DLGAP1: variants seen among roughly 807,000 people sequenced by gnomAD.
DLGAP1 encodes DLG associated protein 1.
A neutral mutation model predicts 90.8 loss-of-function variants in DLGAP1; 11 were observed. The observed-to-expected ratio is 0.12, with a 90% CI of 0.08 to 0.20. DLGAP1 has a LOEUF of 0.20. DLGAP1 is among the 10% of genes least tolerant of loss of function. DLGAP1 has a pLI of 1.00. For synonymous variants in DLGAP1, 558 were observed against 540.7 expected (o/e 1.03, Z -0.44); for missense variants, 1,050 against 1,333.8 (o/e 0.79, Z 3.31).
chr18:3,992,841 C>A (rs895158934), intron 3 of DLGAP1, among the ~76,000 whole-genome samples: 4 of 152,028 alleles, frequency 2.6e-5, no homozygotes, highest in Non-Finnish European at 4.4e-5. Flanking sequence ...ATAGGGGGTC[C>A]CTGGAAGACC....
intron 2 of DLGAP1, among the ~76,000 whole-genome samples, chr18:4,129,787 A>G (rs1361391060): frequency 9.9e-5 from 15 of 152,170 alleles, no homozygotes; most frequent in Admixed American, 9.8e-4. Context: ...TCCTTAGGCA[A>G]AGAATCTCTT....
rs369615868 is a variant in DLGAP1 at position 3,534,521 on chromosome 18, C to G, written c.2152G>C (p.Glu718Gln). 2 of 1,614,026 alleles carry G rather than the reference C, an allele frequency of 1.2e-6. No homozygotes were observed. The highest frequency in any genetic ancestry group is 8.5e-7 in the Non-Finnish European group (1 of 1,180,028). Residue 718 changes from glutamate (E) to glutamine (Q), a missense_variant, in exon 10 of 13, where the codon GAG (glutamate) becomes CAG (glutamine). Around this residue, in one of 2 missense-constraint regions of DLGAP1, gnomAD observed 565 missense variants for 879.7 expected, o/e 0.64. Transcript: ENST00000315677. Reference protein sequence around the residue: ...DNLENSLESIEDNSCPGPMAR... With the variant: ...DNLENSLESIQDNSCPGPMAR... Reference sequence around the variant, plus strand: ...ATGGGGCCAGGACACGAATTGTCCTCTATAGATTCCAGAGAATTTTCCAGA... The same window carrying G: ...ATGGGGCCAGGACACGAATTGTCCTGTATAGATTCCAGAGAATTTTCCAGA...
chr18:4,382,871 C>T (rs765834586), intron 1 of DLGAP1, among the ~76,000 whole-genome samples: 2 of 152,080 alleles, frequency 1.3e-5, no homozygotes, highest in African/African-American at 2.4e-5. Context: ...AAATCAAACA[C>T]GAATTTGACC....
intron 3 of DLGAP1, chr18:3,892,114 A>AACACACACACACACACACAC (rs3985698): frequency 1.5e-5 from 2 of 132,296 alleles, no homozygotes; most frequent in African/African-American, 5.4e-5. Context: ...TCACCTCTAA[A>AACACACACACACACACACAC]ACACACACAC....
rs1047737802 is a variant in DLGAP1, at chr18:4,378,567, A to T, written c.-267+76439T>A. On this transcript the variant is annotated intron_variant, in intron 1 of 12. Coordinates refer to ENST00000315677, the MANE Select transcript of DLGAP1 (RefSeq NM_004746.4). This position sits in a 1 kb window ranked among gnomAD's most constrained non-coding sequence, Gnocchi z 4.5. ...TACAAACTGAATTATTAAAACCAAA[A>T]TCAACAAATAAAATCAAGCTCTTAG... is the stretch of plus-strand genomic sequence containing the variant. 5.3e-5 allele frequency among the ~76,000 whole-genome samples: 8 copies of T among 152,122 alleles called. No homozygotes were observed. The highest frequency in any genetic ancestry group is 1.7e-4 in the African/African-American group (7 of 41,428).
chr18:4,357,008 T>A (rs1247871381), intron 1 of DLGAP1, among the ~76,000 whole-genome samples: 1 of 152,090 alleles, frequency 6.6e-6, no homozygotes, highest in East Asian at 1.9e-4. Flanking sequence ...AGATGAATTC[T>A]TATCTTTCCA....
intron 1 of DLGAP1, among the ~76,000 whole-genome samples, chr18:4,435,011 G>C (rs950930954): frequency 2.0e-5 from 3 of 152,158 alleles, no homozygotes; most frequent in African/African-American, 7.2e-5. Flanking sequence ...CTACAAACTT[G>C]AAACTTCATC....
At chr18:3,609,247 ATGT>A (rs1445572934) in intron 7 of DLGAP1, among the ~76,000 whole-genome samples, 1 of 152,098 alleles carries the variant, frequency 6.6e-6, no homozygotes, top group Non-Finnish European at 1.5e-5. Flanking sequence ...TGGTCTCACT[ATGT>A]TGCCCAGGCT....
intron 2 of DLGAP1, among the ~76,000 whole-genome samples, chr18:4,104,442 C>T (rs1240436681): frequency 1.3e-5 from 2 of 152,128 alleles, no homozygotes; most frequent in Non-Finnish European, 2.9e-5. Context: ...CCTTTTCTCA[C>T]TGCTAACATC....
chr18:4,151,984 A>T (rs1184332940), intron 1 of DLGAP1, among the ~76,000 whole-genome samples: 1 of 152,190 alleles, frequency 6.6e-6, no homozygotes, highest in Non-Finnish European at 1.5e-5. Flanking sequence ...AATAATAATA[A>T]TATTAAAAAA....
chr18:4,335,700 A>G (rs536791518), intron 1 of DLGAP1, among the ~76,000 whole-genome samples: 62 of 152,372 alleles, frequency 4.1e-4, no homozygotes, highest in African/African-American at 1.4e-3. Context: ...AATGTAAAAA[A>G]AGAAAAATAA....
chr18:4,040,092 T>C (rs1437196846), intron 2 of DLGAP1, among the ~76,000 whole-genome samples: 1 of 152,218 alleles, frequency 6.6e-6, no homozygotes, highest in African/African-American at 2.4e-5. Context: ...TAGAATAATA[T>C]GCCTTGCAGA....
At chr18:4,045,432 C>CAA (rs763466156) in intron 2 of DLGAP1, among the ~76,000 whole-genome samples, 1,557 of 29,204 alleles carry the variant, frequency 0.053, 268 homozygotes, top group African/African-American at 0.059. Context: ...CCCATCTCTA[C>CAA]AAAAAAAAAA....
rs560545360 is a variant in DLGAP1, at chr18:3,659,378, G to A, written c.1591+69757C>T. The stretch of plus-strand genomic sequence containing the variant: ...CATTGCCTGGAATTCAGGGTAAGCC[G>A]TAACACATACATTTATACACACACA... On this transcript the variant is annotated intron_variant, in intron 7 of 12. Coordinates refer to ENST00000315677, the MANE Select transcript of DLGAP1 (RefSeq NM_004746.4). Among the ~76,000 whole-genome samples the A allele has an allele frequency of 4.5e-4, 60 of 133,562 alleles. No individual in the cohort carries two copies. The South Asian group carries it at 0.014, about 31-fold the overall frequency. The allele number at this position is 133,562 out of a possible 152,430, so 87.6% of individuals were successfully genotyped here. A position where few individuals can be genotyped will look rare whatever the true frequency, so the allele number is the denominator to read the frequency against.
At chr18:3,645,293 T>C (rs1014188503) in intron 7 of DLGAP1, among the ~76,000 whole-genome samples, 38 of 152,226 alleles carry the variant, frequency 2.5e-4, no homozygotes, top group African/African-American at 8.9e-4. Context: ...GGGTTTCACA[T>C]GTGGTCCAGG....
chr18:3,910,791 C>T (rs1268780196), intron 3 of DLGAP1, among the ~76,000 whole-genome samples: 1 of 152,054 alleles, frequency 6.6e-6, no homozygotes, highest in African/African-American at 2.4e-5. Flanking sequence ...AGGGATACCT[C>T]ATTTTCTAAA....
intron 2 of DLGAP1, among the ~76,000 whole-genome samples, chr18:4,100,925 G>A (rs1166876394): frequency 6.6e-6 from 1 of 152,210 alleles, no homozygotes; most frequent in Non-Finnish European, 1.5e-5. Context: ...CTTTGGTTTA[G>A]GCTTTGGCTT....
chr18:4,123,232 C>T (rs1363086034), intron 2 of DLGAP1, among the ~76,000 whole-genome samples: 1 of 151,968 alleles, frequency 6.6e-6, no homozygotes, highest in Non-Finnish European at 1.5e-5. Context: ...TTTTAGTGAC[C>T]AGGGAGCCTG....
intron 1 of DLGAP1, among the ~76,000 whole-genome samples, chr18:4,343,581 C>G (rs888052529): frequency 3.3e-5 from 5 of 151,970 alleles, no homozygotes; most frequent in Non-Finnish European, 7.4e-5. Context: ...ATCAATGTTA[C>G]TTTCCTTTCT....
Sources: allele counts gnomAD v4.1 joint callset (sites outside exome capture counted in the v4.1 genomes callset), GRCh38; gene constraint gnomAD v4.1.1; regional missense constraint gnomAD v4.1.1; non-coding constraint Gnocchi (gnomAD v3.1); transcripts MANE v1.5; gene names NCBI Gene and HGNC (gene_info 2026-07-23, HGNC 2026-07-21).